BCAR3: variants seen among roughly 807,000 people sequenced by gnomAD.
BCAR3 encodes the protein BCAR3 adaptor protein, NSP family member.
A neutral mutation model predicts 80.1 loss-of-function variants in BCAR3; 37 were observed. The ratio of observed to expected loss-of-function variants is 0.46; its 90% CI spans 0.36 to 0.61. BCAR3 has a LOEUF of 0.61. Among genes scored for constraint, BCAR3 ranks in the 20% least tolerant of loss-of-function variants. The pLI is 0.00. For missense variants in BCAR3, 978 were observed against 1,068.2 expected, an observed-to-expected ratio of 0.92 and a Z score of 1.18; for synonymous variants, 389 against 418.9, an observed-to-expected ratio of 0.93 and a Z score of 0.87.
intron 3 of BCAR3, among the ~76,000 whole-genome samples, chr1:93,619,688 G>A (rs1214962726): frequency 6.6e-6 from 1 of 152,202 alleles, no homozygotes; most frequent in African/African-American, 2.4e-5. Context: ...GCATCTGCGA[G>A]GCCCTCTGGA....
intron 2 of BCAR3, among the ~76,000 whole-genome samples, chr1:93,758,936 C>T (rs182765852): frequency 6.6e-6 from 1 of 152,290 alleles, no homozygotes; most frequent in East Asian, 1.9e-4. Context: ...TGGCCAGATG[C>T]CAGGGAATGG....
In BCAR3 at chr1:93,844,353, T is replaced by C. The variant is rs1298000857; in HGVS notation, c.-63+1214A>G. On this transcript the variant is annotated intron_variant, in intron 2 of 13. Transcript: ENST00000370244. Reference sequence around the variant, plus strand: ...CACCAACATGAAACCGTATTTAATTTAGGGCTTTGCTGTCCAGCGAACTCA... The same window carrying C: ...CACCAACATGAAACCGTATTTAATTCAGGGCTTTGCTGTCCAGCGAACTCA... Among the ~76,000 whole-genome samples, 3 of 152,190 alleles carry C rather than the reference T, an allele frequency of 2.0e-5. No homozygotes were observed. The East Asian group carries it at 5.8e-4, about 29-fold the overall frequency.
intron 2 of BCAR3, among the ~76,000 whole-genome samples, chr1:93,714,582 T>C (rs1650133281): frequency 6.6e-6 from 1 of 152,192 alleles, no homozygotes; most frequent in African/African-American, 2.4e-5. Flanking sequence ...CTGAAGCAAC[T>C]TACCCTGAGA....
chr1:93,814,779 G>C (rs769906949), intron 2 of BCAR3, among the ~76,000 whole-genome samples: 3 of 152,226 alleles, frequency 2.0e-5, no homozygotes, highest in Non-Finnish European at 4.4e-5. Context: ...AGCCAGGAGA[G>C]GAGGCGCATA....
chr1:93,750,922 C>A (rs11164977), intron 2 of BCAR3, among the ~76,000 whole-genome samples: 17,793 of 152,152 alleles, frequency 0.12, 1,457 homozygotes, highest in African/African-American at 0.22. Context: ...GAATTTCTGA[C>A]CCGCAGAATC....
intron 7 of BCAR3, among the ~76,000 whole-genome samples, chr1:93,578,664 C>T (rs1252531194): frequency 6.6e-6 from 1 of 152,196 alleles, no homozygotes; most frequent in Non-Finnish European, 1.5e-5. Context: ...GCTCCTGTGC[C>T]TTCCCCTGCA....
At chr1:93,567,200 A>AAGTC in intron 11 of BCAR3, 79 bp downstream of exon 11, 1 of 1,520,258 alleles carries the variant, frequency 6.6e-7, no homozygotes, top group Non-Finnish European at 9.0e-7. Context: ...TTTCTAAGTG[A>AAGTC]AGTCAGCCAT....
intron 3 of BCAR3, among the ~76,000 whole-genome samples, chr1:93,600,013 C>T (rs1357746485): frequency 3.9e-5 from 6 of 152,238 alleles, no homozygotes; most frequent in Admixed American, 2.0e-4. Context: ...TACCACCAAC[C>T]TTGTCATATT....
chr1:93,828,661 CT>C (rs1344392830), intron 2 of BCAR3, among the ~76,000 whole-genome samples: 1 of 152,102 alleles, frequency 6.6e-6, no homozygotes, highest in African/African-American at 2.4e-5. Flanking sequence ...TTCCCTGGGT[CT>C]TTGTGTATTC....
intron 2 of BCAR3, among the ~76,000 whole-genome samples, chr1:93,800,500 C>T (rs765203086): frequency 7.2e-5 from 11 of 152,028 alleles, no homozygotes; most frequent in Non-Finnish European, 1.0e-4. Flanking sequence ...TGGTTAAACC[C>T]GGGAGGCAGA....
chr1:93,576,146 T>C lies in BCAR3; in HGVS notation c.1687-17A>G, dbSNP rs939569128. On this transcript the variant is annotated splice_polypyrimidine_tract_variant and intron_variant, in intron 7 of 11. Coordinates refer to ENST00000260502, the MANE Select transcript of BCAR3 (RefSeq NM_003567.4). ...CCTAGCAACCTGTCAAGAGCCAAAG[T>C]TGAAATACACTGGATCAGGAAGTGG... is the stretch of plus-strand genomic sequence containing the variant. 5.4e-5 allele frequency: 87 copies of C among 1,597,114 alleles called. No individual in the cohort carries two copies. Among genetic ancestry groups the C allele is most frequent in the Admixed American group, 5.0e-4 (30 of 59,970 alleles).
chr1:93,816,912 T>C (rs1162616192), intron 2 of BCAR3, among the ~76,000 whole-genome samples: 6 of 152,144 alleles, frequency 3.9e-5, no homozygotes, highest in Non-Finnish European at 2.9e-5. Flanking sequence ...AACTTGTATT[T>C]TGCTGAAGTC....
chr1:93,590,651 G>A (rs1421636797), intron 4 of BCAR3, among the ~76,000 whole-genome samples: 1 of 152,148 alleles, frequency 6.6e-6, no homozygotes, highest in Non-Finnish European at 1.5e-5. Context: ...CTTCTGTTAG[G>A]TCAAAATAGT....
intron 1 of BCAR3, among the ~76,000 whole-genome samples, chr1:93,678,574 T>C (rs1001659107): frequency 1.6e-4 from 24 of 152,332 alleles, no homozygotes; most frequent in African/African-American, 5.8e-4. Flanking sequence ...GCTAAGGATA[T>C]AATAAATTAG....
chr1:93,703,507 C>A (rs1173158286), intron 3 of BCAR3, among the ~76,000 whole-genome samples: 1 of 149,590 alleles, frequency 6.7e-6, no homozygotes, highest in Non-Finnish European at 1.5e-5. Flanking sequence ...TTTGAGGCTG[C>A]AGCAAGCTAT....
chr1:93,655,787 T>A (rs964322638), intron 2 of BCAR3, among the ~76,000 whole-genome samples: 1 of 152,142 alleles, frequency 6.6e-6, no homozygotes, highest in Admixed American at 6.5e-5. Context: ...ATCCTTCAAA[T>A]TATGGACACA....
At chr1:93,671,210 G>C (rs1033364220) in intron 2 of BCAR3, among the ~76,000 whole-genome samples, 1 of 152,224 alleles carries the variant, frequency 6.6e-6, no homozygotes, top group East Asian at 1.9e-4. Flanking sequence ...GGCCAGGATG[G>C]TCTCGAACTC....
chr1:93,568,023 C>A, intron 9 of BCAR3, 172 bp from the exon 10 acceptor site: 5 of 510,972 alleles, frequency 9.8e-6, no homozygotes, highest in Non-Finnish European at 1.8e-5. Context: ...CCTGTCTCTA[C>A]TCAAATACAA....
chr1:93,753,251 G>T (rs1368310158), intron 2 of BCAR3: 1 of 152,124 alleles, frequency 6.6e-6, no homozygotes, highest in Non-Finnish European at 1.5e-5. Flanking sequence ...GTTTCCAAGC[G>T]GTGTTTTTGT....
Sources: allele counts gnomAD v4.1 joint callset (sites outside exome capture counted in the v4.1 genomes callset), GRCh38; gene constraint gnomAD v4.1.1; transcripts MANE v1.5; gene names NCBI Gene and HGNC (gene_info 2026-07-23, HGNC 2026-07-21).